The following SGSM1 variants were observed in gnomAD, a reference collection of about 807,000 sequenced individuals.
The protein encoded by SGSM1 is RUN and TBC1 domain containing 2.
A neutral mutation model predicts 133.8 loss-of-function variants in SGSM1; 73 were observed. The ratio of observed to expected loss-of-function variants is 0.55; its 90% CI spans 0.45 to 0.66. The LOEUF (loss-of-function observed/expected upper bound fraction) is 0.66, where lower values mean the gene tolerates loss of function less well. SGSM1 is among the 30% of genes least tolerant of loss of function. The probability of loss-of-function intolerance (pLI) is 0.00; values close to 1 mark genes in which losing one functional copy is unlikely to be tolerated. For synonymous variants in SGSM1, 563 were observed against 573.0 expected (o/e 0.98, Z 0.25); for missense variants, 1,213 against 1,448.1 (o/e 0.84, Z 2.64).
chr22:24,864,617 A>T (rs1029559476), intron 9 of SGSM1, among the ~76,000 whole-genome samples: 1 of 152,234 alleles, frequency 6.6e-6, no homozygotes. Context: ...AAATGTCCAG[A>T]AAAAGGCACA....
At chr22:24,914,611 A>T (rs139770) in intron 22 of SGSM1, among the ~76,000 whole-genome samples, 63,209 of 152,006 alleles carry the variant, frequency 0.42, 13,709 homozygotes, top group East Asian at 0.7. Context: ...ATGCATTTTT[A>T]AAAATTCTTT....
chr22:24,874,219 T>C (rs1191967956), intron 12 of SGSM1, among the ~76,000 whole-genome samples: 1 of 152,222 alleles, frequency 6.6e-6, no homozygotes, highest in Non-Finnish European at 1.5e-5. Flanking sequence ...CTTCCTAGCC[T>C]GACACTCAGC....
chr22:24,895,327 T>C (rs754456866), intron 18 of SGSM1, 36 bp downstream of exon 18: 6 of 1,590,828 alleles, frequency 3.8e-6, no homozygotes, highest in Non-Finnish European at 4.3e-6. Context: ...TCCCACCCAC[T>C]CCTCTCCCTT....
intron 8 of SGSM1, among the ~76,000 whole-genome samples, chr22:24,856,691 A>G (rs1409336860): frequency 1.3e-5 from 2 of 152,038 alleles, no homozygotes; most frequent in African/African-American, 4.8e-5. Context: ...GAGCCTCCGT[A>G]TCTGCATCAC....
chr22:24,920,089 C>T, intron 24 of SGSM1, 96 bp downstream of exon 24: 2 of 1,311,500 alleles, frequency 1.5e-6, no homozygotes, highest in Non-Finnish European at 2.1e-6. Context: ...GAGATGGATG[C>T]ATGGTGAAGG....
intron 16 of SGSM1, among the ~76,000 whole-genome samples, chr22:24,888,889 G>A (rs977097203): frequency 6.9e-6 from 1 of 145,640 alleles, no homozygotes; most frequent in Non-Finnish European, 1.5e-5. Context: ...GTACCACTCT[G>A]TCTTGATTAT....
intron 9 of SGSM1, among the ~76,000 whole-genome samples, chr22:24,866,001 C>G (rs1300018580): frequency 6.6e-6 from 1 of 152,168 alleles, no homozygotes. Flanking sequence ...GGAGTGGCCT[C>G]TGAAGTTAAT....
In SGSM1 at chr22:24,926,675, C is replaced by T. The variant is rs1291263243; in HGVS notation, c.*2401C>T. 6.6e-6 allele frequency: 1 copy of T among 152,176 alleles called. No individual in the cohort carries two copies. Among genetic ancestry groups the T allele is most frequent in the Non-Finnish European group, 1.5e-5 (1 of 68,040 alleles). 9.4% of individuals were successfully genotyped at this position (152,176 alleles called of 1,614,324 possible). A position where few individuals can be genotyped will look rare whatever the true frequency, so the allele number is the denominator to read the frequency against. ...ATTTATTTGGTTTACTGTGCCTATTCAGATCTCTGTATGTTGTGTGTGTTT... is the reference window on the plus strand; with the variant it reads ...ATTTATTTGGTTTACTGTGCCTATTTAGATCTCTGTATGTTGTGTGTGTTT... On this transcript the variant is annotated 3_prime_UTR_variant, in exon 25 of 25. Coordinates refer to ENST00000400358, the MANE Select transcript of SGSM1 (RefSeq NM_001098497.3).
chr22:24,851,153 C>T (rs1331937264), intron 5 of SGSM1, among the ~76,000 whole-genome samples: 3 of 150,312 alleles, frequency 2.0e-5, no homozygotes, highest in South Asian at 2.1e-4. Context: ...GCCTTTTTAA[C>T]GTTTTCTCCA....
At chr22:24,856,646 C>CACTG (rs1482669451) in intron 8 of SGSM1, among the ~76,000 whole-genome samples, 2 of 152,348 alleles carry the variant, frequency 1.3e-5, no homozygotes, top group East Asian at 3.9e-4. Flanking sequence ...CAGTTTTAAT[C>CACTG]ACTGACTGAC....
chr22:24,845,435 G>C (rs1039756196), intron 3 of SGSM1, among the ~76,000 whole-genome samples: 2 of 152,136 alleles, frequency 1.3e-5, no homozygotes, highest in Non-Finnish European at 2.9e-5. Flanking sequence ...ATGTCTCCTT[G>C]AACCAGCTCT....
chr22:24,837,506 C>T (rs1929499885), intron 2 of SGSM1, among the ~76,000 whole-genome samples: 1 of 151,886 alleles, frequency 6.6e-6, no homozygotes, highest in Non-Finnish European at 1.5e-5. Flanking sequence ...GCGGGCGAGC[C>T]TGACTGATGT....
chr22:24,902,990 T>G (rs150620531), intron 20 of SGSM1, among the ~76,000 whole-genome samples: 65 of 152,216 alleles, frequency 4.3e-4, no homozygotes, highest in African/African-American at 1.5e-3. Context: ...AACAATGAAC[T>G]GTGATCACAC....
intron 2 of SGSM1, among the ~76,000 whole-genome samples, chr22:24,807,156 G>A (rs1240468378): frequency 1.3e-5 from 2 of 152,090 alleles, no homozygotes; most frequent in African/African-American, 2.4e-5. Context: ...GCGTGGAGAG[G>A]GGGGCAGTCT....
At chr22:24,904,745 C>T (rs1358658635) in intron 20 of SGSM1, among the ~76,000 whole-genome samples, 3 of 152,086 alleles carry the variant, frequency 2.0e-5, no homozygotes, top group African/African-American at 7.2e-5. Context: ...GTGAATACGT[C>T]AATGTTGCTG....
chr22:24,877,364 T>A (rs901436804), intron 13 of SGSM1, among the ~76,000 whole-genome samples: 2 of 152,184 alleles, frequency 1.3e-5, no homozygotes, highest in Non-Finnish European at 2.9e-5. Context: ...CACCTGCACA[T>A]GGTACTGTTC....
Position 24,886,794 on chromosome 22 carries a change from G to A in SGSM1, c.1770+66G>A, listed in dbSNP as rs551012830. On this transcript the variant is annotated intron_variant, in intron 16 of 24. Transcript: ENST00000400358. ...AAGGAGCCAGATACTGTGGGGCTGG[G>A]GAGTGCTGGTTCCACGCTGGACCAA... 13 of 1,515,778 alleles carry A rather than the reference G, an allele frequency of 8.6e-6. No homozygotes were observed. In the East Asian group the frequency reaches 2.2e-4, roughly 26 times the overall value. 93.9% of individuals were successfully genotyped at this position (1,515,778 alleles called of 1,614,324 possible). A position where few individuals can be genotyped will look rare whatever the true frequency, so the allele number is the denominator to read the frequency against.
intron 21 of SGSM1, among the ~76,000 whole-genome samples, chr22:24,906,163 C>G (rs1933370101): frequency 6.6e-6 from 1 of 151,984 alleles, no homozygotes; most frequent in Non-Finnish European, 1.5e-5. Context: ...AGGGAAAAAC[C>G]CACACAATCA....
chr22:24,922,689 G>T (rs1036135154), intron 24 of SGSM1, among the ~76,000 whole-genome samples: 18 of 151,630 alleles, frequency 1.2e-4, no homozygotes, highest in Non-Finnish European at 2.1e-4. Context: ...TGTTAGCCAG[G>T]ATGGTCTCGA....
Sources: allele counts gnomAD v4.1 joint callset (sites outside exome capture counted in the v4.1 genomes callset), GRCh38; gene constraint gnomAD v4.1.1; transcripts MANE v1.5; gene names NCBI Gene and HGNC (gene_info 2026-07-23, HGNC 2026-07-21).